The following GSG1L variants were observed in gnomAD, a reference collection of about 807,000 sequenced individuals.
GSG1L encodes the protein germ cell-specific gene 1-like protein.
GSG1L carries 24 observed loss-of-function variants against 42.1 expected under a neutral mutation model. That is an observed-to-expected ratio of 0.57 (90% confidence interval 0.41 to 0.80). The LOEUF (loss-of-function observed/expected upper bound fraction) is 0.80, where lower values mean the gene tolerates loss of function less well. Ranked by LOEUF, GSG1L falls within the 30% of genes least tolerant of loss-of-function variation. The pLI is 0.00. For missense variants in GSG1L, 445 were observed against 472.2 expected (o/e 0.94, Z 0.53); for synonymous variants, 215 against 203.5 (o/e 1.06, Z -0.48).
intron 1 of GSG1L, among the ~76,000 whole-genome samples, chr16:28,007,180 G>A (rs895350445): frequency 3.9e-5 from 6 of 152,182 alleles, no homozygotes; most frequent in African/African-American, 9.7e-5. Context: ...GATAAGGATC[G>A]AGAGCTGGGG....
At chr16:27,818,948 G>C (rs1388542161) in intron 5 of GSG1L, among the ~76,000 whole-genome samples, 1 of 152,074 alleles carries the variant, frequency 6.6e-6, no homozygotes, top group Admixed American at 6.6e-5. Flanking sequence ...CTCCAATACT[G>C]GGTTTTAAAA....
At chr16:27,877,489 T>C (rs1019238587) in intron 3 of GSG1L, among the ~76,000 whole-genome samples, 1 of 152,162 alleles carries the variant, frequency 6.6e-6, no homozygotes, top group African/African-American at 2.4e-5. Flanking sequence ...AAATTAAACA[T>C]TTCATGGGTC....
At chr16:28,057,043 G>A (rs1227282316) in intron 1 of GSG1L, among the ~76,000 whole-genome samples, 1 of 152,156 alleles carries the variant, frequency 6.6e-6, no homozygotes, top group Admixed American at 6.5e-5. Context: ...TCAAAGAGCC[G>A]GTAAGGAGGC....
intron 1 of GSG1L, among the ~76,000 whole-genome samples, chr16:28,027,013 T>C (rs1268392859): frequency 2.0e-5 from 3 of 152,144 alleles, no homozygotes; most frequent in Non-Finnish European, 4.4e-5. Context: ...ACCCGGGAGA[T>C]GGAGGTTGCA....
chr16:27,791,801 C>T (rs1266066848), intron 6 of GSG1L, among the ~76,000 whole-genome samples: 1 of 152,070 alleles, frequency 6.6e-6, no homozygotes, highest in Non-Finnish European at 1.5e-5. Flanking sequence ...CGCTCATGCA[C>T]CTCACACCTG....
chr16:27,794,772 G>A (rs1217668903), intron 6 of GSG1L, among the ~76,000 whole-genome samples: 1 of 152,164 alleles, frequency 6.6e-6, no homozygotes, highest in Non-Finnish European at 1.5e-5. Flanking sequence ...GCCCACGAGA[G>A]GCAGATCCCA....
chr16:27,868,830 T>C lies in GSG1L; in HGVS notation c.550+15656A>G, dbSNP rs575317937. 2.0e-5 allele frequency among the ~76,000 whole-genome samples: 3 copies of C among 152,218 alleles called. No homozygotes were observed. The East Asian group carries it at 5.8e-4, about 29-fold the overall frequency. On this transcript the variant is annotated intron_variant, in intron 3 of 6. Coordinates refer to ENST00000447459, the MANE Select transcript of GSG1L (RefSeq NM_001109763.2). Reference sequence around the variant, plus strand: ...TCTGCCCGTCTGCTGCCCTCTGCCATAGCTCCTGCAATATCCCCAGCTCGC... The same window carrying C: ...TCTGCCCGTCTGCTGCCCTCTGCCACAGCTCCTGCAATATCCCCAGCTCGC...
chr16:27,869,546 C>CTGTCT, intron 3 of GSG1L, among the ~76,000 whole-genome samples: 2 of 134,244 alleles, frequency 1.5e-5, no homozygotes, highest in African/African-American at 2.9e-5. Context: ...CTCTCTGTCT[C>CTGTCT]CCTTCATCTC....
chr16:27,926,991 C>G (rs767144161), intron 2 of GSG1L, among the ~76,000 whole-genome samples: 13 of 152,066 alleles, frequency 8.5e-5, no homozygotes, highest in Non-Finnish European at 1.6e-4. Flanking sequence ...GAAGCCAAGC[C>G]CTTGACCTCT....
intron 1 of GSG1L, among the ~76,000 whole-genome samples, chr16:28,029,106 C>T (rs2085929334): frequency 6.6e-6 from 1 of 152,188 alleles, no homozygotes; most frequent in South Asian, 2.1e-4. Flanking sequence ...CCACTGTGGT[C>T]AAGGTAAGGG....
chr16:27,867,920 G>T (rs952679286), intron 3 of GSG1L, among the ~76,000 whole-genome samples: 4 of 152,198 alleles, frequency 2.6e-5, no homozygotes, highest in Non-Finnish European at 4.4e-5. Flanking sequence ...CGTTTCTCGC[G>T]AGACCAGGCC....
At chr16:27,932,200 G>T (rs2084664763) in intron 2 of GSG1L, among the ~76,000 whole-genome samples, 1 of 152,132 alleles carries the variant, frequency 6.6e-6, no homozygotes, top group Non-Finnish European at 1.5e-5. Flanking sequence ...TTACAGGCAT[G>T]CACCACCACA....
chr16:27,943,566 CTTTTTTTTTTTTTT>C (rs11385465), intron 2 of GSG1L, among the ~76,000 whole-genome samples: 3 of 67,720 alleles, frequency 4.4e-5, no homozygotes, highest in African/African-American at 5.9e-5. Flanking sequence ...TTCTTTGTTT[CTTTTTTTTTTTTTT>C]TTTTTTTTTT....
At chr16:27,986,166 C>T (rs1050944878) in intron 1 of GSG1L, among the ~76,000 whole-genome samples, 2 of 152,042 alleles carry the variant, frequency 1.3e-5, no homozygotes, top group African/African-American at 2.4e-5. Flanking sequence ...GAGTTATTGC[C>T]GCAGGGAGGC....
At chr16:27,876,752 C>A (rs571627244) in intron 3 of GSG1L, among the ~76,000 whole-genome samples, 3 of 152,170 alleles carry the variant, frequency 2.0e-5, no homozygotes, top group Non-Finnish European at 4.4e-5. Context: ...GCACCCACCC[C>A]GCAGGCCATA....
At chr16:27,843,880 T>C (rs1395298967) in intron 4 of GSG1L, among the ~76,000 whole-genome samples, 1 of 152,230 alleles carries the variant, frequency 6.6e-6, no homozygotes, top group Non-Finnish European at 1.5e-5. Context: ...AGAGGGAAGC[T>C]TGGGACTCTA....
intron 5 of GSG1L, among the ~76,000 whole-genome samples, chr16:27,826,176 T>C (rs1446181418): frequency 6.6e-6 from 1 of 152,140 alleles, no homozygotes; most frequent in African/African-American, 2.4e-5. Flanking sequence ...GGGGACGCAC[T>C]TGGAGTGCCT....
intron 2 of GSG1L, among the ~76,000 whole-genome samples, chr16:27,946,325 A>C (rs1039404807): frequency 6.6e-6 from 1 of 151,978 alleles, no homozygotes; most frequent in African/African-American, 2.4e-5. Flanking sequence ...TGGGCAGATC[A>C]CTTGAGGTCA....
At chr16:27,823,791 A>G in intron 5 of GSG1L, 1 of 695,880 alleles carries the variant, frequency 1.4e-6, no homozygotes, top group South Asian at 1.5e-5. Context: ...ATAATTGATC[A>G]AGCCTGAGAG....
Sources: allele counts gnomAD v4.1 joint callset (sites outside exome capture counted in the v4.1 genomes callset), GRCh38; gene constraint gnomAD v4.1.1; transcripts MANE v1.5; gene names NCBI Gene and HGNC (gene_info 2026-07-23, HGNC 2026-07-21).